The following ERI3 variants were observed in gnomAD, a reference collection of about 807,000 sequenced individuals.
The protein encoded by ERI3 is ERI1 exoribonuclease 3.
ERI3 carries 18 observed loss-of-function variants against 44.4 expected under a neutral mutation model. The observed-to-expected ratio is 0.41, with a 90% confidence interval of 0.28 to 0.60. ERI3 has a LOEUF of 0.60. ERI3 is among the 20% of genes least tolerant of loss of function. The pLI, the probability that ERI3 is intolerant of heterozygous loss-of-function variation, is 0.36. For missense variants in ERI3, 294 were observed against 435.5 expected (o/e 0.68, Z 2.89); for synonymous variants, 183 against 164.8 (o/e 1.11, Z -0.84).
intron 2 of ERI3, among the ~76,000 whole-genome samples, chr1:44,347,487 C>A (rs1221880808): frequency 1.3e-5 from 2 of 152,166 alleles, no homozygotes; most frequent in Admixed American, 1.3e-4. Context: ...TGTGCTTTGG[C>A]AAACGCTGCT....
chr1:44,332,387 C>T (rs1199163875), intron 3 of ERI3, among the ~76,000 whole-genome samples: 2 of 152,136 alleles, frequency 1.3e-5, no homozygotes, highest in African/African-American at 4.8e-5. Flanking sequence ...CTGATTTGCA[C>T]TAAATTATGT....
At chr1:44,342,366 T>C (rs1436558452) in intron 2 of ERI3, among the ~76,000 whole-genome samples, 1 of 152,124 alleles carries the variant, frequency 6.6e-6, no homozygotes, top group Non-Finnish European at 1.5e-5. Context: ...ACAGAGGAAC[T>C]GATCAAAGAA....
rs969552886 is a variant in ERI3 at position 44,241,910 on chromosome 1, C to T, written c.931+6029G>A. 1.0e-6 allele frequency: 1 copy of T among 981,132 alleles called. No homozygotes were observed. The highest frequency in any genetic ancestry group is 1.2e-6 in the Non-Finnish European group (1 of 825,754). The allele number at this position is 981,132 out of a possible 1,614,324, so 60.8% of individuals were successfully genotyped here. ...CTCACCCACCCATCTAGTCCATCAA[C>T]TCACCCATCCATCTAGCCATTCTTC... On this transcript the variant is annotated intron_variant, in intron 8 of 8. Coordinates refer to ENST00000372257, the MANE Select transcript of ERI3 (RefSeq NM_024066.3). This position sits in a 1 kb window ranked among gnomAD's most constrained non-coding sequence, Gnocchi z 5.6.
chr1:44,318,430 C>G (rs1032992386), intron 4 of ERI3, among the ~76,000 whole-genome samples: 3 of 152,170 alleles, frequency 2.0e-5, no homozygotes, highest in Admixed American at 6.5e-5. Flanking sequence ...ATTAGCGCCC[C>G]CTGGTGGTAT....
At chr1:44,265,788 C>A (rs962406428) in intron 7 of ERI3, among the ~76,000 whole-genome samples, 1 of 152,012 alleles carries the variant, frequency 6.6e-6, no homozygotes, top group Non-Finnish European at 1.5e-5. Flanking sequence ...ACAAAAAAAA[C>A]CACATACAAG....
At chr1:44,342,873 T>G (rs1646711532) in intron 2 of ERI3, among the ~76,000 whole-genome samples, 1 of 77,368 alleles carries the variant, frequency 1.3e-5, no homozygotes, top group African/African-American at 4.7e-5. Flanking sequence ...TTTTTTTTTT[T>G]TTTTTTTTTT....
At position 44,252,818 on chromosome 1, in the gene ERI3, T is replaced by A. The variant is rs892776784; in HGVS notation, c.832-4780A>T. On this transcript the variant is annotated intron_variant, in intron 7 of 8. Transcript: ENST00000372257. This position sits in a 1 kb window ranked among gnomAD's most constrained non-coding sequence, Gnocchi z 4.7. ...AGTGGACGCACAGTGGGAAGGGCTG[T>A]GGTTGGGCTAAATGGCTAGAACCCA... Among the ~76,000 whole-genome samples, 2 of 152,184 alleles carry A rather than the reference T, an allele frequency of 1.3e-5. No homozygotes were observed. Among genetic ancestry groups the A allele is most frequent in the Admixed American group, 6.5e-5 (1 of 15,284 alleles).
intron 8 of ERI3, among the ~76,000 whole-genome samples, chr1:44,225,475 G>A (rs908075072): frequency 6.6e-6 from 1 of 152,180 alleles, no homozygotes; most frequent in Non-Finnish European, 1.5e-5. Context: ...TTTGTGACAA[G>A]ATGACCCTCT....
intron 5 of ERI3, among the ~76,000 whole-genome samples, chr1:44,312,195 G>A (rs1227231895): frequency 6.6e-6 from 1 of 152,104 alleles, no homozygotes; most frequent in Non-Finnish European, 1.5e-5. Context: ...CTGCCACTAC[G>A]CTACTTCCTC....
chr1:44,303,011 C>A (rs1645758425), intron 6 of ERI3, among the ~76,000 whole-genome samples: 1 of 152,226 alleles, frequency 6.6e-6, no homozygotes, highest in Non-Finnish European at 1.5e-5. Context: ...TATGTGTAAA[C>A]AGCACAATAG....
chr1:44,241,743 G>T lies in ERI3; in HGVS notation c.931+6196C>A, dbSNP rs1479333557. ...AGAGACAAGGGGAGGCGAGGCCGGG[G>T]CCTGGGGCTAGGAAGGTGGGGAAAC... On this transcript the variant is annotated intron_variant, in intron 8 of 8. Coordinates refer to ENST00000372257, the MANE Select transcript of ERI3 (RefSeq NM_024066.3). This position sits in a 1 kb window ranked among gnomAD's most constrained non-coding sequence, Gnocchi z 5.6. Among the ~76,000 whole-genome samples the T allele has an allele frequency of 1.3e-5, 2 of 152,088 alleles. No individual in the cohort carries two copies. Among genetic ancestry groups the T allele is most frequent in the Admixed American group, 6.5e-5 (1 of 15,276 alleles).
intron 6 of ERI3, among the ~76,000 whole-genome samples, chr1:44,286,074 T>C (rs929048866): frequency 4.6e-5 from 7 of 152,222 alleles, no homozygotes. Flanking sequence ...GAGAAAGCAG[T>C]AGACCTCTGC....
rs1460400186 is a variant in ERI3, at chr1:44,281,601, A to AAAAATAT, written c.831+3233_831+3234insATATTTT. The stretch of plus-strand genomic sequence containing the variant: ...AGACCCCGTCTCGAAAAAAAAAAAA[A>AAAAATAT]ATATATATATATATATATAATATAT... On this transcript the variant is annotated intron_variant, in intron 7 of 8. Transcript: ENST00000372257. Among the ~76,000 whole-genome samples the AAAAATAT allele has an allele frequency of 3.5e-3, 454 of 127,984 alleles. 4 individuals carry two copies. The highest frequency in any genetic ancestry group is 0.011 in the African/African-American group (327 of 30,010). The allele number at this position is 127,984 out of a possible 152,430, so 84.0% of individuals were successfully genotyped here.
chr1:44,310,963 GCACACACACACACACACACACA>G lies in ERI3; in HGVS notation c.666+2184_666+2205del, dbSNP rs58344074. ...ATGTATGTGCACATCGCGCGCGCGC[GCACACACACACACACACACACA>G]CACACACACACACACACACACACAC... On this transcript the variant is annotated intron_variant, in intron 5 of 8. Coordinates refer to ENST00000372257, the MANE Select transcript of ERI3 (RefSeq NM_024066.3). Among the ~76,000 whole-genome samples the G allele has an allele frequency of 1.0e-3, 124 of 123,258 alleles. 1 individual carries two copies. Among genetic ancestry groups the G allele is most frequent in the Middle Eastern group, 4.0e-3 (1 of 248 alleles). 80.9% of individuals were successfully genotyped at this position (123,258 alleles called of 152,430 possible).
At chr1:44,258,399 C>T (rs1406439013) in intron 7 of ERI3, among the ~76,000 whole-genome samples, 1 of 152,210 alleles carries the variant, frequency 6.6e-6, no homozygotes, top group Admixed American at 6.5e-5. Context: ...TGCTTGCACA[C>T]AGCATACACG....
chr1:44,287,004 CT>C (rs1050257784), intron 6 of ERI3, among the ~76,000 whole-genome samples: 2 of 152,246 alleles, frequency 1.3e-5, no homozygotes, highest in African/African-American at 4.8e-5. Flanking sequence ...CAGACATGCT[CT>C]TTTGACCCCA....
At chr1:44,287,971 C>A (rs1430303122) in intron 6 of ERI3, among the ~76,000 whole-genome samples, 1 of 152,192 alleles carries the variant, frequency 6.6e-6, no homozygotes. Context: ...TGACACAGGC[C>A]AGGAGTCCTT....
chr1:44,342,847 ATATATATATATTTTTTTTTTT>A (rs1646704272), intron 2 of ERI3, among the ~76,000 whole-genome samples: 1 of 32,058 alleles, frequency 3.1e-5, no homozygotes, highest in East Asian at 7.0e-4. Flanking sequence ...ATATATATAT[ATATATATATATTTTTTTTTTT>A]TTTTTTTTTT....
intron 3 of ERI3, among the ~76,000 whole-genome samples, chr1:44,332,482 C>T (rs1285097197): frequency 6.6e-6 from 1 of 152,196 alleles, no homozygotes; most frequent in East Asian, 1.9e-4. Context: ...TGCTACACAC[C>T]ATGGCAGCTT....
Sources: allele counts gnomAD v4.1 joint callset (sites outside exome capture counted in the v4.1 genomes callset), GRCh38; gene constraint gnomAD v4.1.1; non-coding constraint Gnocchi (gnomAD v3.1); transcripts MANE v1.5; gene names NCBI Gene and HGNC (gene_info 2026-07-23, HGNC 2026-07-21).